Variants in PLCG2 observed in about 807,000 individuals in gnomAD.
PLCG2 encodes the protein 1-phosphatidylinositol 4,5-bisphosphate phosphodiesterase gamma-2.
A neutral mutation model predicts 175.6 loss-of-function variants in PLCG2; 69 were observed. The ratio of observed to expected loss-of-function variants is 0.39; its 90% CI spans 0.32 to 0.48. The LOEUF is 0.48. PLCG2 is among the 20% of genes least tolerant of loss of function. The pLI is 0.91. For missense variants in PLCG2, 1,798 were observed against 1,650.9 expected, an observed-to-expected ratio of 1.09 and a Z score of -1.54; for synonymous variants, 827 against 624.0, an observed-to-expected ratio of 1.33 and a Z score of -4.85.
intron 3 of PLCG2, among the ~76,000 whole-genome samples, chr16:81,856,610 A>G (rs1332575300): frequency 6.6e-6 from 1 of 152,174 alleles, no homozygotes; most frequent in Non-Finnish European, 1.5e-5. Context: ...TCTGCATTTT[A>G]TTAGTTAGCA....
rs1439719895 is a variant in PLCG2 at position 81,960,210 on chromosome 16, G to C, written c.*2212G>C. ...TAACACGTTAATCTGGTTCTTGGTG[G>C]TGTTAGGGACTGATTCTCTCAGGAA... On this transcript the variant is annotated 3_prime_UTR_variant, in exon 33 of 33. Transcript: ENST00000564138. 4.5e-6 allele frequency: 1 copy of C among 220,716 alleles called. No homozygotes were observed. The highest frequency in any genetic ancestry group is 2.2e-5 in the African/African-American group (1 of 44,706). 13.7% of individuals were successfully genotyped at this position (220,716 alleles called of 1,614,324 possible).
intron 1 of PLCG2, among the ~76,000 whole-genome samples, chr16:81,744,165 CTTTTTTT>C (rs1185124266): frequency 9.4e-5 from 12 of 127,738 alleles, no homozygotes; most frequent in African/African-American, 2.3e-4. Flanking sequence ...GCCAACTTCC[CTTTTTTT>C]TTTTTTTTTT....
intron 19 of PLCG2, among the ~76,000 whole-genome samples, chr16:81,914,815 A>G (rs1351798598): frequency 6.6e-6 from 1 of 152,124 alleles, no homozygotes; most frequent in Non-Finnish European, 1.5e-5. Context: ...CAGTGAATCA[A>G]TCAGCAAGGA....
intron 2 of PLCG2, among the ~76,000 whole-genome samples, chr16:81,769,370 C>T (rs941885696): frequency 1.3e-5 from 2 of 152,296 alleles, no homozygotes; most frequent in South Asian, 2.1e-4. Context: ...AGAATGATAG[C>T]GGCGGGCGGC....
chr16:81,819,869 C>T (rs756268076), intron 2 of PLCG2, among the ~76,000 whole-genome samples: 5 of 152,192 alleles, frequency 3.3e-5, no homozygotes, highest in Non-Finnish European at 7.3e-5. Context: ...CAGCTGTGAG[C>T]CACTGTGCCT....
chr16:81,859,248 A>T, intron 5 of PLCG2, 85 bp downstream of exon 5: 1 of 874,824 alleles, frequency 1.1e-6, no homozygotes. Flanking sequence ...TGGGAGCATG[A>T]CTTGTCGGGA....
chr16:81,791,449 C>G (rs12598194), intron 2 of PLCG2, among the ~76,000 whole-genome samples: 1 of 152,096 alleles, frequency 6.6e-6, no homozygotes, highest in Non-Finnish European at 1.5e-5. Flanking sequence ...TTCTTCTACT[C>G]TTTGTAGCCT....
In PLCG2 at chr16:81,869,274, C is replaced by G. The variant is rs150276286; in HGVS notation, c.540C>G (p.Ala180=). The G allele has an allele frequency of 9.1e-3, 14,621 of 1,613,054 alleles. 83 individuals are homozygous for G. The highest frequency in any genetic ancestry group is 0.011 in the Non-Finnish European group (12,941 of 1,179,032). ...TGATCAACTTTAAAGTGAGCAGTGC[C>G]AAGTTCCTTAAAGATAAGTTTGTGG... The part of the protein sequence containing the change: ...LPLINFKVSS[A]KFLKDKFVEI... The change falls in exon 6 of 33, where the codon GCC becomes GCG. Residue 180 remains alanine (A), a synonymous_variant. Coordinates refer to ENST00000564138, the MANE Select transcript of PLCG2 (RefSeq NM_002661.5).
At chr16:81,939,673 C>T (rs1910858925) in intron 29 of PLCG2, among the ~76,000 whole-genome samples, 1 of 152,226 alleles carries the variant, frequency 6.6e-6, no homozygotes, top group Non-Finnish European at 1.5e-5. Flanking sequence ...TCTCCTTCCT[C>T]TGCTCACCAA....
intron 28 of PLCG2, 116 bp from the exon 29 acceptor site, chr16:81,938,685 A>G: frequency 1.6e-6 from 1 of 628,746 alleles, no homozygotes; most frequent in Admixed American, 2.8e-5. Flanking sequence ...GAATCTAGGA[A>G]AATTAGGGCT....
At chr16:81,841,343 T>G (rs1905819334) in intron 2 of PLCG2, among the ~76,000 whole-genome samples, 1 of 152,158 alleles carries the variant, frequency 6.6e-6, no homozygotes, top group Non-Finnish European at 1.5e-5. Flanking sequence ...CTCAAGCCGT[T>G]CTTCTCAGCC....
At chr16:81,883,885 C>T (rs949364819) in intron 9 of PLCG2, among the ~76,000 whole-genome samples, 13 of 152,188 alleles carry the variant, frequency 8.5e-5, no homozygotes, top group Non-Finnish European at 1.3e-4. Flanking sequence ...TTGTGTTGCG[C>T]CTTGGTTTTC....
At chr16:81,835,468 A>C (rs1210721485) in intron 2 of PLCG2, among the ~76,000 whole-genome samples, 1 of 152,136 alleles carries the variant, frequency 6.6e-6, no homozygotes, top group Admixed American at 6.5e-5. Flanking sequence ...TGGTGACACT[A>C]CTTGGGAGGC....
intron 24 of PLCG2, among the ~76,000 whole-genome samples, chr16:81,930,741 C>G (rs1368262369): frequency 1.3e-5 from 1 of 77,054 alleles, no homozygotes; most frequent in Non-Finnish European, 2.7e-5. Flanking sequence ...GAGTGCCACC[C>G]TGTCTCAAAA....
intron 15 of PLCG2, among the ~76,000 whole-genome samples, chr16:81,907,140 A>G (rs1351967954): frequency 2.0e-5 from 3 of 152,072 alleles, no homozygotes; most frequent in Non-Finnish European, 4.4e-5. Flanking sequence ...TTAAAGTATA[A>G]TAAAAAAATA....
chr16:81,855,496 A>G (rs1200070006), intron 3 of PLCG2, among the ~76,000 whole-genome samples: 1 of 152,232 alleles, frequency 6.6e-6, no homozygotes, highest in Admixed American at 6.5e-5. Flanking sequence ...TTTCGGTCAA[A>G]TAACTTATTA....
intron 11 of PLCG2, among the ~76,000 whole-genome samples, chr16:81,892,306 C>A (rs1908674571): frequency 6.6e-6 from 1 of 152,152 alleles, no homozygotes; most frequent in Admixed American, 6.5e-5. Context: ...ATGAGATGCT[C>A]ACAGGGGGCT....
At position 81,934,474 on chromosome 16, in the gene PLCG2, G is replaced by C. The variant is rs775060308; in HGVS notation, c.2785G>C (p.Glu929Gln). ...GGAGAAGAACCAGTCCATCGCCATC[G>C]AGCTCTCTGACCTGGTTGTCTACTG... The part of the protein sequence containing the change: ...YWEKNQSIAI[E>Q]LSDLVVYCKP... Residue 929 changes from glutamate to glutamine, a missense_variant, in exon 26 of 33, where the codon GAG (glutamate) becomes CAG (glutamine). Physicochemically the swap from Glu to Gln is conservative, Grantham distance 29. Coordinates refer to ENST00000564138, the MANE Select transcript of PLCG2 (RefSeq NM_002661.5). The C allele has an allele frequency of 1.2e-6, 2 of 1,613,740 alleles. No individual in the cohort carries two copies. The highest frequency in any genetic ancestry group is 1.7e-6 in the Non-Finnish European group (2 of 1,179,810).
intron 24 of PLCG2, chr16:81,931,265 C>G: frequency 5.0e-6 from 2 of 398,664 alleles, no homozygotes; most frequent in South Asian, 1.1e-4. Flanking sequence ...TTCACAGGTA[C>G]TGGTGACCTG....
Sources: gnomAD v4.1 joint callset for allele counts (sites outside exome capture counted in the v4.1 genomes callset) on GRCh38, gnomAD v4.1.1 for gene constraint, MANE v1.5 for transcripts, NCBI Gene and HGNC (gene_info 2026-07-23, HGNC 2026-07-21) for gene names.